Variants in PSMA5 observed in about 807,000 individuals in gnomAD.
PSMA5 encodes proteasome subunit alpha type-5.
A neutral mutation model predicts 34.5 loss-of-function variants in PSMA5; 3 were observed. That is an observed-to-expected ratio of 0.09 (90% CI 0.04 to 0.22). PSMA5 has a LOEUF of 0.22. PSMA5 is among the 10% of genes least tolerant of loss of function. The pLI is 1.00. For synonymous variants in PSMA5, 88 were observed against 95.8 expected (o/e 0.92, Z 0.47); for missense variants, 120 against 286.1 (o/e 0.42, Z 4.19).
rs907275418 is a variant in PSMA5 at position 109,400,940 on chromosome 1, G to A, written c.*1073C>T. 2 of 152,128 alleles carry A rather than the reference G, an allele frequency of 1.3e-5. No individual in the cohort carries two copies. Among genetic ancestry groups the A allele is most frequent in the Admixed American group, 6.5e-5 (1 of 15,276 alleles). The allele number at this position is 152,128 out of a possible 1,614,324, so 9.4% of individuals were successfully genotyped here. A position where few individuals can be genotyped will look rare whatever the true frequency, so the allele number is the denominator to read the frequency against. ...CTCCAGATTTCCCTATTACTCAAGA[G>A]CTGGTGATCTGAAACAAGAAAATTT... On this transcript the variant is annotated 3_prime_UTR_variant, in exon 9 of 9. Coordinates refer to ENST00000271308, the MANE Select transcript of PSMA5 (RefSeq NM_002790.4).
rs1279898354 is a variant in PSMA5 at position 109,426,291 on chromosome 1, G to A, written c.29+11C>T. 12 of 1,605,784 alleles carry A rather than the reference G, an allele frequency of 7.5e-6. No individual in the cohort carries two copies. The highest frequency in any genetic ancestry group is 4.3e-6 in the Non-Finnish European group (5 of 1,175,790). On this transcript the variant is annotated intron_variant, in intron 1 of 8. Transcript: ENST00000271308. ...CATAATTCCCACCCGACGTCCCCCAGCTGCACGGACCTGTCGTACTCAGAC... is the reference window on the plus strand; with the variant it reads ...CATAATTCCCACCCGACGTCCCCCAACTGCACGGACCTGTCGTACTCAGAC...
Position 109,411,896 on chromosome 1 carries a change from C to T in PSMA5, c.439G>A (p.Asp147Asn). Residue 147 changes from aspartate to asparagine, a missense_variant, in exon 6 of 9, where the codon GAT becomes AAT. Coordinates refer to ENST00000271308, the MANE Select transcript of PSMA5 (RefSeq NM_002790.4). ...FGVALLFGGV[D>N]EKGPQLFHMD... is the part of the protein sequence containing the mutation. Reference sequence around the variant, plus strand: ...ACTTACAGCTGGGGTCCTTTCTCATCAACTCCTCCAAATAATAATGCTACT... The same window carrying T: ...ACTTACAGCTGGGGTCCTTTCTCATTAACTCCTCCAAATAATAATGCTACT... The T allele has an allele frequency of 6.2e-7, 1 of 1,613,046 alleles. No homozygotes were observed. Among genetic ancestry groups the T allele is most frequent in the Non-Finnish European group, 8.5e-7 (1 of 1,179,054 alleles).
In PSMA5 at chr1:109,401,798, TAAAAAA is replaced by T; in HGVS notation, c.*209_*214del. ...GGCAATATAGTGAGACCTCATCTCT[TAAAAAA>T]AAAAAAAAAAAAAAGACTATTAGAA... On this transcript the variant is annotated 3_prime_UTR_variant, in exon 9 of 9. Coordinates refer to ENST00000271308, the MANE Select transcript of PSMA5 (RefSeq NM_002790.4). The T allele has an allele frequency of 2.0e-5, 4 of 203,372 alleles. No individual in the cohort carries two copies. The highest frequency in any genetic ancestry group is 1.8e-5 in the Non-Finnish European group (2 of 111,344). 12.6% of individuals were successfully genotyped at this position (203,372 alleles called of 1,614,324 possible).
At chr1:109,415,756 G>A (rs1227664181) in intron 2 of PSMA5, among the ~76,000 whole-genome samples, 1 of 152,108 alleles carries the variant, frequency 6.6e-6, no homozygotes, top group African/African-American at 2.4e-5. Context: ...TAAACATAGT[G>A]GGCAAGAAAG....
intron 2 of PSMA5, among the ~76,000 whole-genome samples, chr1:109,417,752 C>T (rs1413572344): frequency 6.6e-6 from 1 of 152,174 alleles, no homozygotes; most frequent in African/African-American, 2.4e-5. Flanking sequence ...GCAGTTTTCT[C>T]CTGAGCAATG....
chr1:109,423,915 AG>A (rs1654544522), intron 1 of PSMA5, among the ~76,000 whole-genome samples: 1 of 152,256 alleles, frequency 6.6e-6, no homozygotes, highest in Non-Finnish European at 1.5e-5. Flanking sequence ...CTACAGAAAT[AG>A]GACCCAAACT....
Position 109,400,932 on chromosome 1 carries a change from A to G in PSMA5, c.*1081T>C, listed in dbSNP as rs1653490331. The G allele has an allele frequency of 6.6e-6, 1 of 152,068 alleles. No homozygotes were observed. Among genetic ancestry groups the G allele is most frequent in the African/African-American group, 2.4e-5 (1 of 41,404 alleles). The allele number at this position is 152,068 out of a possible 1,614,324, so 9.4% of individuals were successfully genotyped here. On this transcript the variant is annotated 3_prime_UTR_variant, in exon 9 of 9. Coordinates refer to ENST00000271308, the MANE Select transcript of PSMA5 (RefSeq NM_002790.4). ...TTTCAAATCTCCAGATTTCCCTATT[A>G]CTCAAGAGCTGGTGATCTGAAACAA...
At chr1:109,420,316 T>C (rs912119427) in intron 2 of PSMA5, among the ~76,000 whole-genome samples, 1 of 152,050 alleles carries the variant, frequency 6.6e-6, no homozygotes, top group African/African-American at 2.4e-5. Context: ...AGTAGGGGTG[T>C]GGGGTTAGGG....
intron 8 of PSMA5, among the ~76,000 whole-genome samples, chr1:109,409,303 C>T (rs1010509085): frequency 1.3e-5 from 2 of 152,166 alleles, no homozygotes; most frequent in African/African-American, 4.8e-5. Flanking sequence ...ACTACAGGTG[C>T]GTGCCGCCAC....
intron 8 of PSMA5, 89 bp from the exon 9 acceptor site, chr1:109,402,179 CAGCTATTCATT>C (rs1201705558): frequency 7.6e-6 from 7 of 926,800 alleles, no homozygotes; most frequent in Non-Finnish European, 1.2e-5. Flanking sequence ...GTTGGTGATG[CAGCTATTCATT>C]AGGAACTAAG....
intron 3 of PSMA5, among the ~76,000 whole-genome samples, chr1:109,413,394 T>C (rs114003705): frequency 0.01 from 1,531 of 152,264 alleles, 33 homozygotes; most frequent in African/African-American, 0.035. Flanking sequence ...TAACCAAACA[T>C]GAATTTCCAC....
At chr1:109,414,960 G>C (rs1571023526) in intron 3 of PSMA5, 2 of 322,364 alleles carry the variant, frequency 6.2e-6, no homozygotes, top group Admixed American at 8.9e-5. Flanking sequence ...CTTATAACTT[G>C]TAGTCACTTC....
rs1180080167 is a variant in PSMA5 at position 109,400,556 on chromosome 1, T to A, written c.*1457A>T. ...AAATCTCCCCATCAACATGCTATAC[T>A]TAATAAGTGTTAAAATCACTAGAAG... On this transcript the variant is annotated 3_prime_UTR_variant, in exon 9 of 9. Coordinates refer to ENST00000271308, the MANE Select transcript of PSMA5 (RefSeq NM_002790.4). 1.3e-5 allele frequency: 2 copies of A among 152,232 alleles called. No homozygotes were observed. The highest frequency in any genetic ancestry group is 2.9e-5 in the Non-Finnish European group (2 of 68,038). 9.4% of individuals were successfully genotyped at this position (152,232 alleles called of 1,614,324 possible).
intron 1 of PSMA5, among the ~76,000 whole-genome samples, chr1:109,423,096 A>G (rs1450781749): frequency 1.3e-5 from 2 of 152,256 alleles, no homozygotes; most frequent in African/African-American, 4.8e-5. Context: ...AGATGGTTGC[A>G]ATCCGTGGTT....
At chr1:109,405,206 C>T (rs922479512) in intron 8 of PSMA5, among the ~76,000 whole-genome samples, 1 of 152,178 alleles carries the variant, frequency 6.6e-6, no homozygotes, top group African/African-American at 2.4e-5. Context: ...GATTCAAATC[C>T]TGACTCTACC....
At chr1:109,420,222 G>A (rs1333908370) in intron 2 of PSMA5, among the ~76,000 whole-genome samples, 1 of 152,108 alleles carries the variant, frequency 6.6e-6, no homozygotes, top group Non-Finnish European at 1.5e-5. Context: ...ATTGACTAAT[G>A]ATCTTACAAA....
chr1:109,426,247 G>A (rs989699284), intron 1 of PSMA5, 55 bp downstream of exon 1: 3 of 1,608,138 alleles, frequency 1.9e-6, no homozygotes, highest in East Asian at 2.2e-5. Context: ...CGCGCGGCCA[G>A]GTCCCGGGCC....
intron 8 of PSMA5, 25 bp from the exon 9 acceptor site, chr1:109,402,115 T>C (rs187599657): frequency 1.3e-6 from 2 of 1,578,022 alleles, no homozygotes; most frequent in East Asian, 4.5e-5. Context: ...GAAGGGTTAA[T>C]AAGCTGGGCT....
intron 8 of PSMA5, 25 bp downstream of exon 8, chr1:109,409,903 A>T (rs1183945759): frequency 2.6e-6 from 4 of 1,549,264 alleles, no homozygotes; most frequent in African/African-American, 2.8e-5. Flanking sequence ...AACCGAAAAA[A>T]ATCCAACAAT....
Sources: allele counts gnomAD v4.1 joint callset (sites outside exome capture counted in the v4.1 genomes callset), GRCh38; gene constraint gnomAD v4.1.1; transcripts MANE v1.5; gene names NCBI Gene and HGNC (gene_info 2026-07-23, HGNC 2026-07-21).